Variants in TRDN observed in about 807,000 individuals in gnomAD.
TRDN encodes triadin in skeletal muscle.
A neutral mutation model predicts 149.7 loss-of-function variants in TRDN; 161 were observed. The ratio of observed to expected loss-of-function variants is 1.08; its 90% confidence interval spans 0.95 to 1.23. The LOEUF (loss-of-function observed/expected upper bound fraction) is 1.23. Among genes scored for constraint, TRDN ranks in the 50% most tolerant of loss-of-function variants. TRDN has a pLI of 0.00. For missense variants in TRDN, 896 were observed against 823.5 expected, an observed-to-expected ratio of 1.09 and a Z score of -1.08; for synonymous variants, 294 against 250.5, an observed-to-expected ratio of 1.17 and a Z score of -1.64.
chr6:123,440,494 T>C (rs926847031), intron 10 of TRDN, among the ~76,000 whole-genome samples: 5 of 152,232 alleles, frequency 3.3e-5, no homozygotes, highest in African/African-American at 1.2e-4. Context: ...TAGTGAATTT[T>C]ACATCTTCTC....
At chr6:123,377,662 T>C in intron 18 of TRDN, 54 bp downstream of exon 18, 1 of 1,606,710 alleles carries the variant, frequency 6.2e-7, no homozygotes, top group Non-Finnish European at 8.5e-7. Context: ...GGCTACAGCA[T>C]TAATAAACAC....
At chr6:123,498,345 G>T in intron 8 of TRDN, 1 of 294,338 alleles carries the variant, frequency 3.4e-6, no homozygotes. Flanking sequence ...AGTAGTAACA[G>T]CATTTTTAGA....
chr6:123,424,701 T>G (rs1303245585), intron 12 of TRDN, among the ~76,000 whole-genome samples: 1 of 152,164 alleles, frequency 6.6e-6, no homozygotes, highest in African/African-American at 2.4e-5. Flanking sequence ...GATTAGGACC[T>G]CAGTTAATGG....
At chr6:123,576,025 C>T (rs1434603054) in intron 1 of TRDN, among the ~76,000 whole-genome samples, 2 of 152,102 alleles carry the variant, frequency 1.3e-5, no homozygotes, top group African/African-American at 4.8e-5. Flanking sequence ...TTGTGTAGTA[C>T]TCTTACACTG....
At chr6:123,477,676 A>G (rs1777554994) in intron 9 of TRDN, among the ~76,000 whole-genome samples, 1 of 152,090 alleles carries the variant, frequency 6.6e-6, no homozygotes, top group Non-Finnish European at 1.5e-5. Flanking sequence ...TCCAACAATG[A>G]TAGACTGGAT....
chr6:123,578,911 A>C (rs1335622470), intron 1 of TRDN, among the ~76,000 whole-genome samples: 1 of 152,008 alleles, frequency 6.6e-6, no homozygotes, highest in African/African-American at 2.4e-5. Context: ...TGTGTGTGGC[A>C]ATTGTGAATG....
chr6:123,298,382 C>T (rs972214754), intron 24 of TRDN, among the ~76,000 whole-genome samples: 1 of 151,984 alleles, frequency 6.6e-6, no homozygotes, highest in Non-Finnish European at 1.5e-5. Context: ...ATACCATGCC[C>T]ATTTACTAAG....
intron 20 of TRDN, among the ~76,000 whole-genome samples, chr6:123,359,181 G>A (rs1780803386): frequency 6.6e-6 from 1 of 152,112 alleles, no homozygotes; most frequent in Non-Finnish European, 1.5e-5. Flanking sequence ...ATTCTCAGGT[G>A]ATGCTAACTA....
chr6:123,270,791 T>TG (rs998599543), intron 30 of TRDN, among the ~76,000 whole-genome samples: 127 of 152,142 alleles, frequency 8.3e-4, no homozygotes, highest in African/African-American at 2.9e-3. Flanking sequence ...TTCAGACTTC[T>TG]GTAATTTTAA....
intron 4 of TRDN, among the ~76,000 whole-genome samples, chr6:123,531,911 C>A (rs1252340361): frequency 6.6e-6 from 1 of 151,998 alleles, no homozygotes; most frequent in South Asian, 2.1e-4. Flanking sequence ...GCATTCCTAG[C>A]CTCTACCTTT....
intron 5 of TRDN, among the ~76,000 whole-genome samples, chr6:123,524,091 T>A (rs1037880825): frequency 4.6e-5 from 7 of 152,216 alleles, no homozygotes; most frequent in Admixed American, 4.6e-4. Flanking sequence ...TAGATACATA[T>A]TTAAAAGCTA....
rs566498843 is a variant in TRDN at position 123,273,347 on chromosome 6, C to T, written c.1614G>A (p.Val538=). ...AAAATTAATACATACTGTGTATTTG[C>T]ACTTTTTCAGATATAGCTAAAATAA... is the stretch of plus-strand genomic sequence containing the variant. The part of the protein sequence containing the change: ...KEAKPAISEK[V]QIHKQDIVKP... The change falls in exon 28 of 41, where the codon GTG becomes GTA. Residue 538 remains valine (V), a synonymous_variant. Coordinates refer to ENST00000334268, the MANE Select transcript of TRDN (RefSeq NM_006073.4). 8 of 1,044,076 alleles carry T rather than the reference C, an allele frequency of 7.7e-6. No individual in the cohort carries two copies. In the East Asian group the frequency reaches 2.9e-4, roughly 38 times the overall value. 64.7% of individuals were successfully genotyped at this position (1,044,076 alleles called of 1,614,324 possible).
intron 9 of TRDN, among the ~76,000 whole-genome samples, chr6:123,493,694 C>T (rs1236922122): frequency 6.6e-6 from 1 of 152,106 alleles, no homozygotes; most frequent in Non-Finnish European, 1.5e-5. Context: ...CAAACAGAAA[C>T]AGATGGAAGC....
chr6:123,393,710 G>A, intron 12 of TRDN, 33 bp from the exon 13 acceptor site: 1 of 1,569,216 alleles, frequency 6.4e-7, no homozygotes. Context: ...TTACCATGAA[G>A]TATGATTTTG....
At chr6:123,483,049 C>T (rs1352545864) in intron 9 of TRDN, among the ~76,000 whole-genome samples, 1 of 147,746 alleles carries the variant, frequency 6.8e-6, no homozygotes, top group African/African-American at 2.5e-5. Flanking sequence ...CAGTTTTTAC[C>T]CTGGATTGAT....
At chr6:123,492,889 AG>A (rs1778283437) in intron 9 of TRDN, among the ~76,000 whole-genome samples, 1 of 152,118 alleles carries the variant, frequency 6.6e-6, no homozygotes, top group African/African-American at 2.4e-5. Flanking sequence ...ATCAGTTTCA[AG>A]ACAGCTACCA....
At chr6:123,406,632 T>C (rs1042022689) in intron 12 of TRDN, among the ~76,000 whole-genome samples, 2 of 152,120 alleles carry the variant, frequency 1.3e-5, no homozygotes, top group African/African-American at 4.8e-5. Flanking sequence ...AAGGTTTTGC[T>C]GTGACTCATT....
At chr6:123,630,527 C>A (rs2114739480) in intron 1 of TRDN, among the ~76,000 whole-genome samples, 1 of 151,906 alleles carries the variant, frequency 6.6e-6, no homozygotes, top group East Asian at 1.9e-4. Context: ...TGAATAGCCT[C>A]AATTCATTTT....
chr6:123,634,916 G>A (rs1011378120), intron 1 of TRDN, among the ~76,000 whole-genome samples: 2 of 151,874 alleles, frequency 1.3e-5, no homozygotes, highest in Non-Finnish European at 2.9e-5. Flanking sequence ...ACTCCAGAAG[G>A]TCTTCCAAGG....
Sources: allele counts gnomAD v4.1 joint callset (sites outside exome capture counted in the v4.1 genomes callset), GRCh38; gene constraint gnomAD v4.1.1; transcripts MANE v1.5; gene names NCBI Gene and HGNC (gene_info 2026-07-23, HGNC 2026-07-21).